Variants in PAK3 observed in about 807,000 individuals in gnomAD.
PAK3 encodes the protein p21 (RAC1) activated kinase 3.
In PAK3, 4 loss-of-function variants were observed where a neutral mutation model predicts 41.0. The ratio of observed to expected loss-of-function variants is 0.10; its 90% CI spans 0.05 to 0.22. The LOEUF is 0.22. Among genes scored for constraint, PAK3 ranks in the 10% least tolerant of loss-of-function variants. The pLI is 1.00. For synonymous variants in PAK3, 146 were observed against 139.6 expected (o/e 1.05, Z -0.32); for missense variants, 205 against 409.9 (o/e 0.50, Z 4.32).
chrX:111,110,496 A>G (rs2093351355), intron 4 of PAK3, among the ~76,000 whole-genome samples: 1 of 112,069 alleles, frequency 8.9e-6, no homozygotes, highest in Non-Finnish European at 1.9e-5. Flanking sequence ...GTTTATCTAC[A>G]AATCGAACCA....
chrX:111,056,455 C>T (rs1362238924), intron 1 of PAK3, among the ~76,000 whole-genome samples: 2 of 112,366 alleles, frequency 1.8e-5, no homozygotes, highest in East Asian at 2.8e-4. Flanking sequence ...TTAGATACTA[C>T]ACAAACTATA....
At chrX:111,066,474 T>C (rs1018994025) in intron 1 of PAK3, among the ~76,000 whole-genome samples, 5 of 112,278 alleles carry the variant, frequency 4.5e-5, no homozygotes, top group African/African-American at 1.6e-4. Context: ...TGACACTTGC[T>C]ATGGCCAAGC....
intron 8 of PAK3, among the ~76,000 whole-genome samples, chrX:111,153,249 A>G (rs977412459): frequency 4.2e-4 from 47 of 111,756 alleles, no homozygotes; most frequent in African/African-American, 1.5e-3. Flanking sequence ...AGGTTTGGAG[A>G]AATTAAATAA....
chrX:111,223,947 T>C lies in PAK3; in HGVS notation c.*3500T>C, dbSNP rs1277561965. On this transcript the variant is annotated 3_prime_UTR_variant, in exon 18 of 18. Coordinates refer to ENST00000372007, the MANE Select transcript of PAK3 (RefSeq NM_002578.5). ...TGGAATTATGTGAATTTTTTTTTCT[T>C]TTTAAAATTTTATTTGATATTGTTA... 8.9e-6 allele frequency: 1 copy of C among 111,979 alleles called. No individual in the cohort carries two copies. Among genetic ancestry groups the C allele is most frequent in the Non-Finnish European group, 1.9e-5 (1 of 53,206 alleles). 9.2% of individuals were successfully genotyped at this position (111,979 alleles called of 1,213,427 possible).
At chrX:111,131,508 A>G (rs777576489) in intron 5 of PAK3, among the ~76,000 whole-genome samples, 1 of 111,124 alleles carries the variant, frequency 9.0e-6, no homozygotes, top group South Asian at 3.8e-4. Context: ...TTTTATGCCT[A>G]TCTTTCTATT....
At chrX:111,173,171 A>C in intron 11 of PAK3, 90 bp downstream of exon 11, 1 of 521,028 alleles carries the variant, frequency 1.9e-6, no homozygotes. Context: ...TTTCTGGTAA[A>C]TTATGCTTCT....
intron 1 of PAK3, among the ~76,000 whole-genome samples, chrX:111,068,951 A>G (rs984747021): frequency 8.9e-6 from 1 of 112,071 alleles, no homozygotes; most frequent in African/African-American, 3.2e-5. Context: ...TCAGTCCTGC[A>G]TAGCTGATTT....
chrX:111,220,945 C>CAAAAAAAAAAAAAAAAAAAAAAAAAAGAA lies in PAK3; in HGVS notation c.*515_*516insAAAAAAAAAGAAAAAAAAAAAAAAAAAAA. 1 of 49,447 alleles carries CAAAAAAAAAAAAAAAAAAAAAAAAAAGAA rather than the reference C, an allele frequency of 2.0e-5. No individual in the cohort carries two copies. The highest frequency in any genetic ancestry group is 8.5e-5 in the African/African-American group (1 of 11,723). 4.1% of individuals were successfully genotyped at this position (49,447 alleles called of 1,213,427 possible). On this transcript the variant is annotated 3_prime_UTR_variant, in exon 18 of 18. Coordinates refer to ENST00000372007, the MANE Select transcript of PAK3 (RefSeq NM_002578.5). ...AAAAAAGAAAGCAAAAAAAGCAAGG[C>CAAAAAAAAAAAAAAAAAAAAAAAAAAGAA]AAAAAAAAAAAAAAAAACAAACAAA...
chrX:111,051,877 A>C (rs2092562183), intron 1 of PAK3, among the ~76,000 whole-genome samples: 1 of 112,576 alleles, frequency 8.9e-6, no homozygotes, highest in South Asian at 3.6e-4. Flanking sequence ...ACCAAATCTC[A>C]AATTGGCCCT....
chrX:111,186,079 T>A, intron 11 of PAK3, among the ~76,000 whole-genome samples: 1 of 111,262 alleles, frequency 9.0e-6, no homozygotes, highest in Non-Finnish European at 1.9e-5. Flanking sequence ...AGGCCTTCAG[T>A]AAAATTCAAC....
chrX:111,154,143 G>C (rs1374675412), intron 8 of PAK3, among the ~76,000 whole-genome samples: 2 of 111,546 alleles, frequency 1.8e-5, no homozygotes, highest in Admixed American at 1.9e-4. Context: ...GCTGGGAGCA[G>C]GGGGAGTGGG....
intron 11 of PAK3, among the ~76,000 whole-genome samples, chrX:111,176,093 G>A (rs2094400761): frequency 9.0e-6 from 1 of 110,946 alleles, no homozygotes; most frequent in Non-Finnish European, 1.9e-5. Context: ...TTTGCACTTA[G>A]TAGGCCCTCT....
intron 11 of PAK3, among the ~76,000 whole-genome samples, chrX:111,180,054 G>A (rs1241501870): frequency 8.1e-5 from 9 of 111,404 alleles, no homozygotes; most frequent in Non-Finnish European, 1.3e-4. Flanking sequence ...CACCATGCCT[G>A]GCCAGATGCT....
intron 1 of PAK3, among the ~76,000 whole-genome samples, chrX:110,969,753 C>A (rs189107448): frequency 3.7e-4 from 41 of 111,599 alleles, no homozygotes; most frequent in African/African-American, 1.3e-3. Flanking sequence ...TTGTGGTAAA[C>A]CTTAATATTG....
intron 1 of PAK3, among the ~76,000 whole-genome samples, chrX:111,056,584 A>G (rs1229867187): frequency 9.0e-6 from 1 of 111,712 alleles, no homozygotes; most frequent in Non-Finnish European, 1.9e-5. Flanking sequence ...ACAGAGTACT[A>G]TTTGTGTATG....
chrX:111,050,604 G>A (rs1228088234), intron 1 of PAK3, among the ~76,000 whole-genome samples: 1 of 112,152 alleles, frequency 8.9e-6, no homozygotes, highest in Non-Finnish European at 1.9e-5. Flanking sequence ...GCTCATCTGA[G>A]TTAGTAGTAG....
intron 1 of PAK3, among the ~76,000 whole-genome samples, chrX:110,981,347 T>C (rs185034774): frequency 2.4e-3 from 270 of 112,161 alleles, no homozygotes; most frequent in Non-Finnish European, 4.4e-3. Flanking sequence ...GTTCTAAAGG[T>C]TGACATTGGG....
At chrX:111,217,181 A>G in intron 17 of PAK3, 1 of 300,472 alleles carries the variant, frequency 3.3e-6, no homozygotes, top group Non-Finnish European at 4.5e-6. Context: ...ATCCCATTTT[A>G]TAGATGTAAA....
At chrX:110,954,909 A>G (rs2090823121) in intron 1 of PAK3, among the ~76,000 whole-genome samples, 1 of 111,207 alleles carries the variant, frequency 9.0e-6, no homozygotes, top group Non-Finnish European at 1.9e-5. Context: ...TCTGGGAGGC[A>G]GGGAGTGACT....
Sources: gnomAD v4.1 joint callset for allele counts (sites outside exome capture counted in the v4.1 genomes callset) on GRCh38, gnomAD v4.1.1 for gene constraint, MANE v1.5 for transcripts, NCBI Gene and HGNC (gene_info 2026-07-23, HGNC 2026-07-21) for gene names.